PRKN: variants seen among roughly 807,000 people sequenced by gnomAD.
PRKN encodes E3 ubiquitin-protein ligase parkin.
A neutral mutation model predicts 59.5 loss-of-function variants in PRKN; 56 were observed. The observed-to-expected ratio is 0.94, with a 90% CI of 0.76 to 1.18. The LOEUF is 1.18. Ranked by LOEUF, PRKN falls within the 50% of genes most tolerant of loss-of-function variation. The pLI, the probability that PRKN is intolerant of heterozygous loss-of-function variation, is 0.00. For missense variants in PRKN, 657 were observed against 596.4 expected, an observed-to-expected ratio of 1.10 and a Z score of -1.06; for synonymous variants, 250 against 222.1, an observed-to-expected ratio of 1.13 and a Z score of -1.12.
At chr6:162,420,860 G>A (rs1788924063) in intron 2 of PRKN, among the ~76,000 whole-genome samples, 1 of 152,086 alleles carries the variant, frequency 6.6e-6, no homozygotes, top group South Asian at 2.1e-4. Context: ...TTGGAACTCT[G>A]GTAACAATAC....
intron 2 of PRKN, among the ~76,000 whole-genome samples, chr6:162,324,139 G>GA (rs1417481936): frequency 6.6e-6 from 1 of 151,964 alleles, no homozygotes; most frequent in Non-Finnish European, 1.5e-5. Context: ...CCAGCAACAT[G>GA]AAAAAATTTT....
chr6:161,736,132 A>G (rs1490889977), intron 7 of PRKN, among the ~76,000 whole-genome samples: 1 of 152,184 alleles, frequency 6.6e-6, no homozygotes, highest in Admixed American at 6.5e-5. Flanking sequence ...TGTTCACTGA[A>G]GTCTAAGCCT....
intron 1 of PRKN, among the ~76,000 whole-genome samples, chr6:162,682,522 T>A (rs907757770): frequency 6.6e-6 from 1 of 152,096 alleles, no homozygotes; most frequent in Non-Finnish European, 1.5e-5. Context: ...AAATACCACA[T>A]GTTTTCACTT....
At chr6:161,726,801 C>A (rs556029726) in intron 7 of PRKN, among the ~76,000 whole-genome samples, 1 of 152,238 alleles carries the variant, frequency 6.6e-6, no homozygotes, top group South Asian at 2.1e-4. Context: ...TAGGCCCTCC[C>A]AATCAGGAAT....
At chr6:162,266,049 T>C (rs1780116100) in intron 2 of PRKN, among the ~76,000 whole-genome samples, 1 of 152,164 alleles carries the variant, frequency 6.6e-6, no homozygotes, top group African/African-American at 2.4e-5. Flanking sequence ...GATCCGAGTA[T>C]ACTCAAGGAC....
chr6:161,531,273 C>T (rs961959030), intron 9 of PRKN, among the ~76,000 whole-genome samples: 9 of 150,434 alleles, frequency 6.0e-5, no homozygotes, highest in African/African-American at 1.5e-4. Flanking sequence ...CCCAGCTACT[C>T]GGGAGGCTGA....
intron 2 of PRKN, among the ~76,000 whole-genome samples, chr6:162,292,534 G>T: frequency 6.6e-6 from 1 of 152,138 alleles, no homozygotes. Context: ...ACAGATGTTG[G>T]TGAATCTACA....
At chr6:161,716,525 C>A (rs1227655180) in intron 7 of PRKN, among the ~76,000 whole-genome samples, 1 of 152,156 alleles carries the variant, frequency 6.6e-6, no homozygotes, top group Non-Finnish European at 1.5e-5. Flanking sequence ...ACAAATAAAC[C>A]TAAACGCTAT....
chr6:161,453,622 G>A (rs1161834049), intron 9 of PRKN, among the ~76,000 whole-genome samples: 5 of 152,042 alleles, frequency 3.3e-5, no homozygotes, highest in Non-Finnish European at 7.4e-5. Flanking sequence ...CTTCTGGCCC[G>A]CCCTGTAGGA....
In PRKN at chr6:162,650,470, C is replaced by T. The variant is rs112589040; in HGVS notation, c.7+77192G>A. On this transcript the variant is annotated intron_variant, in intron 1 of 11. Transcript: ENST00000366898. The stretch of plus-strand genomic sequence containing the variant: ...AAAATTAGCCGGGCGTAGTGGCGGG[C>T]GCCTGTAGTCCCAGCTACTTGGGAG... 4.4e-3 allele frequency among the ~76,000 whole-genome samples: 658 copies of T among 150,312 alleles called. 7 individuals carry two copies. Among genetic ancestry groups the T allele is most frequent in the African/African-American group, 0.015 (610 of 41,040 alleles).
At chr6:162,089,598 A>T (rs1779391490) in intron 4 of PRKN, among the ~76,000 whole-genome samples, 1 of 152,248 alleles carries the variant, frequency 6.6e-6, no homozygotes. Flanking sequence ...GATCAGTAAC[A>T]GCAGCATTTT....
rs1487298033 is a variant in PRKN, at chr6:161,442,350, G to A, written c.1084-55473C>T. On this transcript the variant is annotated intron_variant, in intron 9 of 11. Transcript: ENST00000366898. This position sits in a 1 kb window ranked among gnomAD's most constrained non-coding sequence, Gnocchi z 4.6. ...GCACAAAAAATACACCATGAAATGA[G>A]TTTAAAGTCCTTAATCTTGAAGGCT... Among the ~76,000 whole-genome samples, 2 of 152,168 alleles carry A rather than the reference G, an allele frequency of 1.3e-5. No individual in the cohort carries two copies. The highest frequency in any genetic ancestry group is 2.4e-5 in the African/African-American group (1 of 41,436).
At chr6:162,717,044 C>T (rs566199430) in intron 1 of PRKN, among the ~76,000 whole-genome samples, 150 of 152,240 alleles carry the variant, frequency 9.9e-4, no homozygotes, top group African/African-American at 3.3e-3. Flanking sequence ...GATCTGGAGA[C>T]GAAGAGGCTA....
intron 1 of PRKN, among the ~76,000 whole-genome samples, chr6:162,593,611 G>T (rs1182243025): frequency 6.6e-6 from 1 of 152,104 alleles, no homozygotes; most frequent in Non-Finnish European, 1.5e-5. Context: ...CAAGTTGCTT[G>T]CTGGGGGCTA....
At chr6:162,537,594 C>T (rs947877487) in intron 1 of PRKN, among the ~76,000 whole-genome samples, 1 of 152,190 alleles carries the variant, frequency 6.6e-6, no homozygotes, top group Non-Finnish European at 1.5e-5. Context: ...CAGGGATCTC[C>T]CTGTCTCTGT....
chr6:161,903,929 A>T (rs1238258199), intron 6 of PRKN, among the ~76,000 whole-genome samples: 1 of 151,868 alleles, frequency 6.6e-6, no homozygotes, highest in African/African-American at 2.4e-5. Context: ...AGGATCCACA[A>T]TTCAGATACA....
intron 4 of PRKN, among the ~76,000 whole-genome samples, chr6:162,135,321 C>G (rs913720721): frequency 6.6e-6 from 1 of 152,024 alleles, no homozygotes; most frequent in Non-Finnish European, 1.5e-5. Flanking sequence ...CGATTAAAGG[C>G]ACAGAAAACA....
At chr6:162,209,975 G>A (rs920028023) in intron 3 of PRKN, among the ~76,000 whole-genome samples, 1 of 151,736 alleles carries the variant, frequency 6.6e-6, no homozygotes, top group Admixed American at 6.6e-5. Flanking sequence ...GGAGAGGGGG[G>A]AGGGATAGCA....
At chr6:162,457,049 A>G (rs571570237) in intron 1 of PRKN, among the ~76,000 whole-genome samples, 4 of 152,266 alleles carry the variant, frequency 2.6e-5, no homozygotes, top group Admixed American at 1.3e-4. Context: ...AAAGCAGAAC[A>G]CTCAACCTCA....
Sources: allele counts gnomAD v4.1 joint callset (sites outside exome capture counted in the v4.1 genomes callset), GRCh38; gene constraint gnomAD v4.1.1; non-coding constraint Gnocchi (gnomAD v3.1); transcripts MANE v1.5; gene names NCBI Gene and HGNC (gene_info 2026-07-23, HGNC 2026-07-21).